Variants in FGFRL1 observed in about 807,000 individuals in gnomAD.
FGFRL1 encodes fibroblast growth factor receptor like 1.
A neutral mutation model predicts 36.8 loss-of-function variants in FGFRL1; 24 were observed. The observed-to-expected ratio is 0.65, with a 90% CI of 0.47 to 0.92. The LOEUF (loss-of-function observed/expected upper bound fraction) is 0.92, where lower values mean the gene tolerates loss of function less well. FGFRL1 is among the 40% of genes least tolerant of loss of function. The pLI, the probability that FGFRL1 is intolerant of heterozygous loss-of-function variation, is 0.00. For synonymous variants in FGFRL1, 422 were observed against 344.1 expected (o/e 1.23, Z -2.50); for missense variants, 785 against 753.4 (o/e 1.04, Z -0.49).
rs59896854 is a variant in FGFRL1, at chr4:1,026,781, A to AC, written c.*1440dup. The stretch of plus-strand genomic sequence containing the variant: ...CCACACCCCGTCCAGGCCAGACACC[A>AC]CCCCCCACCCCACTGTCGTGGTGGC... On this transcript the variant is annotated 3_prime_UTR_variant, in exon 7 of 7. Transcript: ENST00000510644. 6.8e-3 allele frequency: 3,038 copies of AC among 446,474 alleles called. 68 individuals carry two copies. Among genetic ancestry groups the AC allele is most frequent in the African/African-American group, 0.05 (2,491 of 49,428 alleles). 27.7% of individuals were successfully genotyped at this position (446,474 alleles called of 1,614,324 possible). A position where few individuals can be genotyped will look rare whatever the true frequency, so the allele number is the denominator to read the frequency against.
intron 2 of FGFRL1, among the ~76,000 whole-genome samples, chr4:1,016,172 G>A (rs1168714019): frequency 6.6e-6 from 1 of 152,226 alleles, no homozygotes; most frequent in Non-Finnish European, 1.5e-5. Context: ...GCCCTGGCAG[G>A]GGACAGAGCA....
intron 1 of FGFRL1, 200 bp downstream of exon 1, chr4:1,012,154 C>T (rs949551479): frequency 4.6e-5 from 9 of 193,870 alleles, no homozygotes; most frequent in African/African-American, 1.9e-4. Context: ...GCAAATTTGT[C>T]CGCTAATGGC....
chr4:1,012,743 C>T (rs1352412385), intron 2 of FGFRL1, among the ~76,000 whole-genome samples, 179 bp downstream of exon 2: 5 of 152,378 alleles, frequency 3.3e-5, no homozygotes, highest in Non-Finnish European at 5.9e-5. Context: ...CCACAGCACC[C>T]ACCGGGGCTC....
At position 1,026,826 on chromosome 4, in the gene FGFRL1, A is replaced by T; in HGVS notation, c.*1479A>T. 1 of 455,112 alleles carries T rather than the reference A, an allele frequency of 2.2e-6. No individual in the cohort carries two copies. Among genetic ancestry groups the T allele is most frequent in the Non-Finnish European group, 4.4e-6 (1 of 226,350 alleles). 28.2% of individuals were successfully genotyped at this position (455,112 alleles called of 1,614,324 possible). A position where few individuals can be genotyped will look rare whatever the true frequency, so the allele number is the denominator to read the frequency against. ...GGTGGCCCCAGATCTCTGTAATTTT[A>T]TGTAGAGTTTGAGCTGAAGCCCCGT... On this transcript the variant is annotated 3_prime_UTR_variant, in exon 7 of 7. Transcript: ENST00000510644.
Position 1,012,469 on chromosome 4 carries a change from G to C in FGFRL1, c.-16-1G>C, listed in dbSNP as rs1397226589. 3 of 1,576,798 alleles carry C rather than the reference G, an allele frequency of 1.9e-6. No individual in the cohort carries two copies. The Admixed American group carries it at 5.2e-5, about 27-fold the overall frequency. On this transcript the variant is annotated splice_acceptor_variant, in intron 1 of 6. Coordinates refer to ENST00000510644, the MANE Select transcript of FGFRL1 (RefSeq NM_001004356.3). LOFTEE classifies it low-confidence loss of function (5UTR_SPLICE). ...AGTGACGGCGCCCCCAATGTCCCCA[G>C]GTCCGGACAGGCCGAGATGACGCCG...
chr4:1,020,278 G>A (rs62296060), intron 2 of FGFRL1, among the ~76,000 whole-genome samples: 26,589 of 152,172 alleles, frequency 0.17, 2,475 homozygotes, highest in Non-Finnish European at 0.2. Flanking sequence ...GCTGCAGTGC[G>A]GGATGGACAC....
intron 2 of FGFRL1, 72 bp downstream of exon 2, chr4:1,012,636 C>G (rs1577554039): frequency 1.6e-6 from 1 of 639,942 alleles, no homozygotes; most frequent in East Asian, 3.5e-5. Context: ...GGCCCTGAAC[C>G]CTGCCACAGT....
In FGFRL1 at chr4:1,026,892, C is replaced by T. The variant is rs141073382; in HGVS notation, c.*1545C>T. ...TGTTAAACATGAAAGTGCATCCTTT[C>T]CCTCCAGGCTGGTGTTTCTGCCCAT... On this transcript the variant is annotated 3_prime_UTR_variant, in exon 7 of 7. Transcript: ENST00000510644. 125 of 448,740 alleles carry T rather than the reference C, an allele frequency of 2.8e-4. 1 individual carries two copies. Among genetic ancestry groups the T allele is most frequent in the East Asian group, 1.1e-3 (16 of 14,264 alleles). The allele number at this position is 448,740 out of a possible 1,614,324, so 27.8% of individuals were successfully genotyped here. A position where few individuals can be genotyped will look rare whatever the true frequency, so the allele number is the denominator to read the frequency against.
At position 1,026,399 on chromosome 4, in the gene FGFRL1, T is replaced by TGG. The variant is rs1392161982; in HGVS notation, c.*1052_*1053insGG. The TGG allele has an allele frequency of 6.4e-6, 1 of 157,282 alleles. No homozygotes were observed. Among genetic ancestry groups the TGG allele is most frequent in the Admixed American group, 6.6e-5 (1 of 15,248 alleles). 9.7% of individuals were successfully genotyped at this position (157,282 alleles called of 1,614,324 possible). ...ATAGTTGATGAGGGACTTTCCCTGC[T>TGG]CCACCGTCACTCCCCCAACTCTGCC... On this transcript the variant is annotated 3_prime_UTR_variant, in exon 7 of 7. Transcript: ENST00000510644.
chr4:1,018,059 G>A (rs981302392), intron 2 of FGFRL1, among the ~76,000 whole-genome samples: 3 of 151,994 alleles, frequency 2.0e-5, no homozygotes, highest in Admixed American at 6.5e-5. Flanking sequence ...GAGGGGTGTC[G>A]GAGAGGGCAC....
intron 2 of FGFRL1, among the ~76,000 whole-genome samples, chr4:1,021,275 G>T (rs2153026627): frequency 6.6e-6 from 1 of 152,172 alleles, no homozygotes; most frequent in Non-Finnish European, 1.5e-5. Flanking sequence ...CAGGAAAGGA[G>T]GGCTCGGCTT....
chr4:1,024,977 G>C lies in FGFRL1; in HGVS notation c.1145G>C (p.Gly382Ala). ...AGCCTGCCGTGGCCCGTGGTCATCG[G>C]CATCCCAGCCGGCGCTGTCTTCATC... ...ATSLPWPVVI[G>A]IPAGAVFILG... The change falls in exon 7 of 7, where the codon GGC (glycine) becomes GCC (alanine). Residue 382 changes from glycine to alanine, a missense_variant. Physicochemically the swap from Gly to Ala is moderately conservative, Grantham distance 60. Transcript: ENST00000510644. 6.2e-7 allele frequency: 1 copy of C among 1,609,660 alleles called. No individual in the cohort carries two copies. The highest frequency in any genetic ancestry group is 8.5e-7 in the Non-Finnish European group (1 of 1,179,582).
chr4:1,022,608 T>G lies in FGFRL1; in HGVS notation c.352+133T>G, dbSNP rs1273539651. ...GGCAGAAAGCCTTCCTTCGGTGCCC[T>G]GCCCCACCTCAGCTGGCTGCACCTC... On this transcript the variant is annotated intron_variant, in intron 3 of 6. Coordinates refer to ENST00000510644, the MANE Select transcript of FGFRL1 (RefSeq NM_001004356.3). 4 of 1,148,174 alleles carry G rather than the reference T, an allele frequency of 3.5e-6. No individual in the cohort carries two copies. The East Asian group carries it at 7.9e-5, about 23-fold the overall frequency. The allele number at this position is 1,148,174 out of a possible 1,614,324, so 71.1% of individuals were successfully genotyped here.
At position 1,023,555 on chromosome 4, in the gene FGFRL1, G is replaced by C; in HGVS notation, c.353-86G>C. The C allele has an allele frequency of 7.9e-7, 1 of 1,259,660 alleles. No homozygotes were observed. The highest frequency in any genetic ancestry group is 1.1e-6 in the Non-Finnish European group (1 of 884,680). 78.0% of individuals were successfully genotyped at this position (1,259,660 alleles called of 1,614,324 possible). A position where few individuals can be genotyped will look rare whatever the true frequency, so the allele number is the denominator to read the frequency against. Reference sequence around the variant, plus strand: ...TCCAGGGCTGTCCCGGCTGGGGCTGGGGGAGCTAGAGGCCACGGGGGAGTT... The same window carrying C: ...TCCAGGGCTGTCCCGGCTGGGGCTGCGGGAGCTAGAGGCCACGGGGGAGTT... On this transcript the variant is annotated intron_variant, in intron 3 of 6. Transcript: ENST00000510644. This position sits in a 1 kb window ranked among gnomAD's most constrained non-coding sequence, Gnocchi z 6.0.
At chr4:1,011,401 CGGGGG>C, upstream of FGFRL1, 1 of 8,604 alleles carries the variant, frequency 1.2e-4, no homozygotes, top group Non-Finnish European at 2.7e-4. Flanking sequence ...TGGGGCGGGG[CGGGGG>C]CGGGGGCGGG....
At position 1,012,525 on chromosome 4, in the gene FGFRL1, C is replaced by A; in HGVS notation, c.40C>A (p.Leu14Met). The A allele has an allele frequency of 6.5e-7, 1 of 1,543,382 alleles. No homozygotes were observed. Among genetic ancestry groups the A allele is most frequent in the South Asian group, 1.2e-5 (1 of 84,420 alleles). Residue 14 changes from leucine (L) to methionine (M), a missense_variant, in exon 2 of 7, where the codon CTG (leucine) becomes ATG (methionine). Leu to Met is a conservative substitution (Grantham distance 15, BLOSUM62 2). Transcript: ENST00000510644. The stretch of plus-strand genomic sequence containing the variant: ...CCTGTTGCTGCTCCTGCTGCCGCCG[C>A]TGCTGCTGGGGGCCTTCCCGCCGGC... ...SPLLLLLLPP[L>M]LLGAFPPAAA...
chr4:1,024,162 C>CG (rs1440712949), intron 5 of FGFRL1, 61 bp downstream of exon 5: 3 of 269,882 alleles, frequency 1.1e-5, no homozygotes, highest in African/African-American at 8.4e-5. Context: ...CGCTGGCGGG[C>CG]GGGGGTGCTG....
upstream of FGFRL1, among the ~76,000 whole-genome samples, chr4:1,011,550 A>C (rs1352392876): frequency 1.7e-5 from 1 of 59,680 alleles, no homozygotes; most frequent in Non-Finnish European, 3.5e-5. Context: ...GGCACGGGGG[A>C]GGGCTGACGC....
chr4:1,025,338 T>G lies in FGFRL1; in HGVS notation c.1506T>G (p.Tyr502Ter), dbSNP rs144318134. Residue 502 changes from tyrosine (Y) to a stop codon, truncating the protein, a stop_gained, in exon 7 of 7, where the codon TAT becomes TAG. Coordinates refer to ENST00000510644, the MANE Select transcript of FGFRL1 (RefSeq NM_001004356.3). LOFTEE classifies it high-confidence loss of function. Reference sequence around the variant, plus strand: ...GCAAGGTCCACCAGCACATCCACTATCAGTGCTAGACGGCACCGTATCTGC... The same window carrying G: ...GCAAGGTCCACCAGCACATCCACTAGCAGTGCTAGACGGCACCGTATCTGC... ...VEGKVHQHIH[Y>*]QC 211 of 1,552,692 alleles carry G rather than the reference T, an allele frequency of 1.4e-4. No individual in the cohort carries two copies. The East Asian group carries it at 1.9e-3, about 14-fold the overall frequency.
Sources: allele counts gnomAD v4.1 joint callset (sites outside exome capture counted in the v4.1 genomes callset), GRCh38; gene constraint gnomAD v4.1.1; non-coding constraint Gnocchi (gnomAD v3.1); transcripts MANE v1.5; gene names NCBI Gene and HGNC (gene_info 2026-07-23, HGNC 2026-07-21).